Variants in HDX observed in about 807,000 individuals in gnomAD.
The protein encoded by HDX is chromosome X open reading frame 43.
Under a neutral mutation model 45.2 loss-of-function variants are expected in HDX, and 19 were observed. That is an observed-to-expected ratio of 0.42 (90% CI 0.29 to 0.62). The LOEUF is 0.62. HDX is among the 20% of genes least tolerant of loss of function. The pLI, the probability that HDX is intolerant of heterozygous loss-of-function variation, is 0.20. For missense variants in HDX, 532 were observed against 493.9 expected, an observed-to-expected ratio of 1.08 and a Z score of -0.73; for synonymous variants, 188 against 172.8, an observed-to-expected ratio of 1.09 and a Z score of -0.69.
intron 1 of HDX, among the ~76,000 whole-genome samples, chrX:84,489,291 C>T (rs6524309): frequency 0.4 from 44,708 of 110,904 alleles, 7,843 homozygotes; most frequent in African/African-American, 0.69. Flanking sequence ...ACCATGTGGA[C>T]ATATGGTTGT....
chrX:84,325,573 C>T (rs1159844461), intron 10 of HDX, among the ~76,000 whole-genome samples: 11 of 111,691 alleles, frequency 9.8e-5, no homozygotes, highest in African/African-American at 1.9e-4. Context: ...AACTGGTAAA[C>T]AAAAACCCAC....
intron 5 of HDX, among the ~76,000 whole-genome samples, chrX:84,369,734 T>C (rs2037847993): frequency 8.9e-6 from 1 of 112,478 alleles, no homozygotes; most frequent in Non-Finnish European, 1.9e-5. Context: ...TGTTGGCTAC[T>C]TGTACATCTT....
intron 5 of HDX, among the ~76,000 whole-genome samples, chrX:84,404,573 T>C (rs6623015): frequency 0.073 from 8,121 of 111,341 alleles, 473 homozygotes; most frequent in East Asian, 0.46. Flanking sequence ...GGTGATAGAA[T>C]AGAAGATTCT....
intron 5 of HDX, among the ~76,000 whole-genome samples, chrX:84,383,583 T>C (rs1186019732): frequency 8.9e-6 from 1 of 111,807 alleles, no homozygotes; most frequent in African/African-American, 3.2e-5. Flanking sequence ...GTCATTTCTG[T>C]TAAATTTCAG....
chrX:84,486,569 A>T (rs2040795786), intron 2 of HDX, among the ~76,000 whole-genome samples: 1 of 111,385 alleles, frequency 9.0e-6, no homozygotes, highest in Non-Finnish European at 1.9e-5. Context: ...AGGTTTTTTA[A>T]ATCTGAGAAT....
rs2041046368 is a variant in HDX at position 84,498,125 on chromosome X, A to AGGACACCTTTTGT, written c.-110+4204_-110+4216dup. 2.7e-5 allele frequency among the ~76,000 whole-genome samples: 3 copies of AGGACACCTTTTGT among 111,720 alleles called. No individual in the cohort carries two copies. In the South Asian group the frequency reaches 1.1e-3, roughly 42 times the overall value. On this transcript the variant is annotated intron_variant, in intron 1 of 10. Coordinates refer to ENST00000373177, the MANE Select transcript of HDX (RefSeq NM_001177479.2). ...CACATATGTCTAGTTGTTAAATAAT[A>AGGACACCTTTTGT]GGACACCTTTTGTGAAACAAAAGGT...
intron 1 of HDX, among the ~76,000 whole-genome samples, chrX:84,498,934 A>G (rs1275374589): frequency 9.0e-6 from 1 of 110,787 alleles, no homozygotes; most frequent in Non-Finnish European, 1.9e-5. Context: ...ACCTTAGTCA[A>G]GCATAACTTG....
At chrX:84,486,975 C>G (rs1330758563) in intron 2 of HDX, among the ~76,000 whole-genome samples, 1 of 111,447 alleles carries the variant, frequency 9.0e-6, no homozygotes, top group Non-Finnish European at 1.9e-5. Context: ...GACATGAATA[C>G]TATTTTTATA....
intron 4 of HDX, among the ~76,000 whole-genome samples, chrX:84,445,452 C>G (rs758629900): frequency 4.5e-5 from 5 of 109,892 alleles, no homozygotes; most frequent in Non-Finnish European, 9.5e-5. Context: ...GTGTACAGCA[C>G]AGAGAACATT....
intron 6 of HDX, among the ~76,000 whole-genome samples, chrX:84,360,296 T>C (rs866198206): frequency 3.6e-5 from 4 of 111,962 alleles, no homozygotes; most frequent in Non-Finnish European, 5.6e-5. Context: ...CTGGCAAGGC[T>C]GTGGAGAAAT....
Position 84,488,108 on chromosome X carries a change from T to A in HDX, c.-85A>T, listed in dbSNP as rs2040829458. On this transcript the variant is annotated 5_prime_UTR_variant, in exon 2 of 11. It adds an upstream start codon to the 5' untranslated region. Coordinates refer to ENST00000373177, the MANE Select transcript of HDX (RefSeq NM_001177479.2). Reference sequence around the variant, plus strand: ...TTTAGGAGTTCTGAGGGAGTTTCTCTTAAAATTTTGTCCAGAGATTGTAGC... The same window carrying A: ...TTTAGGAGTTCTGAGGGAGTTTCTCATAAAATTTTGTCCAGAGATTGTAGC... The A allele has an allele frequency of 9.0e-6, 1 of 111,532 alleles. No individual in the cohort carries two copies. The highest frequency in any genetic ancestry group is 3.3e-5 in the African/African-American group (1 of 30,713). 9.2% of individuals were successfully genotyped at this position (111,532 alleles called of 1,213,427 possible).
intron 2 of HDX, 35 bp from the exon 3 acceptor site, chrX:84,475,432 TA>T: frequency 1.0e-6 from 1 of 956,124 alleles, no homozygotes. Flanking sequence ...AAAATTGGAA[TA>T]AAAATTTGGT....
At position 84,322,029 on chromosome X, in the gene HDX, T is replaced by A. The variant is rs760065561; in HGVS notation, c.1948-15A>T. On this transcript the variant is annotated splice_polypyrimidine_tract_variant and intron_variant, in intron 10 of 10. Coordinates refer to ENST00000373177, the MANE Select transcript of HDX (RefSeq NM_001177479.2). Reference sequence around the variant, plus strand: ...GACAGCAGTGCCTGAATAAAAAAAATAATATTTTTGGATTAGTATGTGGAT... The same window carrying A: ...GACAGCAGTGCCTGAATAAAAAAAAAAATATTTTTGGATTAGTATGTGGAT... 3.6e-6 allele frequency: 4 copies of A among 1,112,531 alleles called. No homozygotes were observed. Among genetic ancestry groups the A allele is most frequent in the Non-Finnish European group, 4.8e-6 (4 of 828,995 alleles). The allele number at this position is 1,112,531 out of a possible 1,213,427, so 91.7% of individuals were successfully genotyped here.
chrX:84,476,354 C>T (rs1039537076), intron 2 of HDX, among the ~76,000 whole-genome samples: 68 of 109,616 alleles, frequency 6.2e-4, no homozygotes, highest in African/African-American at 2.1e-3. Context: ...CACATCTTTT[C>T]CAAGAAAAGC....
At position 84,373,903 on chromosome X, in the gene HDX, G is replaced by C. The variant is rs775885197; in HGVS notation, c.1306-12291C>G. Among the ~76,000 whole-genome samples, 12 of 109,737 alleles carry C rather than the reference G, an allele frequency of 1.1e-4. No homozygotes were observed. In the South Asian group the frequency reaches 4.9e-3, roughly 44 times the overall value. Reference sequence around the variant, plus strand: ...TATTCAACATAGTGTTGGAAGTTCTGGCCAGGGCAATTAGGCAGAAGAAGG... The same window carrying C: ...TATTCAACATAGTGTTGGAAGTTCTCGCCAGGGCAATTAGGCAGAAGAAGG... On this transcript the variant is annotated intron_variant, in intron 5 of 10. Coordinates refer to ENST00000373177, the MANE Select transcript of HDX (RefSeq NM_001177479.2).
At chrX:84,442,227 A>T (rs1363396714) in intron 4 of HDX, among the ~76,000 whole-genome samples, 1 of 111,434 alleles carries the variant, frequency 9.0e-6, no homozygotes, top group Non-Finnish European at 1.9e-5. Flanking sequence ...CATTCAATAA[A>T]ATATTTAATG....
intron 7 of HDX, among the ~76,000 whole-genome samples, chrX:84,341,165 A>G (rs1195629415): frequency 9.1e-6 from 1 of 109,757 alleles, no homozygotes; most frequent in Admixed American, 9.8e-5. Context: ...CTACTTCCCC[A>G]CTCTCCTTCA....
chrX:84,489,772 TC>T (rs2040859061), intron 1 of HDX, among the ~76,000 whole-genome samples: 1 of 111,816 alleles, frequency 8.9e-6, no homozygotes, highest in African/African-American at 3.2e-5. Flanking sequence ...TTAACCAGCT[TC>T]TAGAACAATG....
intron 1 of HDX, among the ~76,000 whole-genome samples, chrX:84,489,862 T>A (rs1051508381): frequency 1.6e-4 from 18 of 110,245 alleles, no homozygotes; most frequent in Non-Finnish European, 2.9e-4. Context: ...TTGTGTAGAT[T>A]TCATATTATT....
Sources: gnomAD v4.1 joint callset for allele counts (sites outside exome capture counted in the v4.1 genomes callset) on GRCh38, gnomAD v4.1.1 for gene constraint, MANE v1.5 for transcripts, NCBI Gene and HGNC (gene_info 2026-07-23, HGNC 2026-07-21) for gene names.